Variants in PHF21A observed in about 807,000 individuals in gnomAD.
PHF21A encodes BHC80a.
PHF21A carries 11 observed loss-of-function variants against 82.5 expected under a neutral mutation model. The observed-to-expected ratio is 0.13, with a 90% confidence interval of 0.08 to 0.22. The LOEUF (loss-of-function observed/expected upper bound fraction) is 0.22. Among genes scored for constraint, PHF21A ranks in the 10% least tolerant of loss-of-function variants. The pLI is 1.00. For missense variants in PHF21A, 579 were observed against 837.8 expected, an observed-to-expected ratio of 0.69 and a Z score of 3.81; for synonymous variants, 297 against 302.8, an observed-to-expected ratio of 0.98 and a Z score of 0.20.
intron 10 of PHF21A, among the ~76,000 whole-genome samples, chr11:45,964,236 T>TAA (rs2093301828): frequency 1.3e-5 from 2 of 148,554 alleles, no homozygotes; most frequent in Admixed American, 6.7e-5. Flanking sequence ...ATAATAATAA[T>TAA]TTATTTCTGA....
intron 6 of PHF21A, among the ~76,000 whole-genome samples, chr11:46,032,881 T>C (rs1018359245): frequency 1.3e-5 from 2 of 152,238 alleles, no homozygotes; most frequent in Non-Finnish European, 2.9e-5. Flanking sequence ...AGTACATGTG[T>C]GAATGTACAT....
Position 46,101,859 on chromosome 11 carries a change from C to CT in PHF21A, c.-236-9637dup, listed in dbSNP as rs749509550. ...CCATGTTGCCCGTGCTGGTCTCCCT[C>CT]TTTTTTTTTTTTTTTTTAAATACGG... On this transcript the variant is annotated intron_variant, in intron 1 of 18. Coordinates refer to ENST00000676320, the MANE Select transcript of PHF21A (RefSeq NM_001352027.3). Among the ~76,000 whole-genome samples, 260 of 141,040 alleles carry CT rather than the reference C, an allele frequency of 1.8e-3. 1 individual carries two copies. The highest frequency in any genetic ancestry group is 2.8e-3 in the Admixed American group (39 of 14,104). The allele number at this position is 141,040 out of a possible 152,430, so 92.5% of individuals were successfully genotyped here.
At chr11:45,936,735 C>A in intron 16 of PHF21A, 166 bp from the exon 17 acceptor site, 1 of 594,802 alleles carries the variant, frequency 1.7e-6, no homozygotes, top group Middle Eastern at 3.3e-4. Flanking sequence ...TAAAAAGTTC[C>A]AAATATCAGC....
chr11:46,066,370 C>A (rs2096594520), intron 6 of PHF21A, among the ~76,000 whole-genome samples: 1 of 151,840 alleles, frequency 6.6e-6, no homozygotes, highest in Non-Finnish European at 1.5e-5. Context: ...TATGGTATAC[C>A]TCAACAGTTT....
At chr11:46,008,397 T>G (rs1282611622) in intron 6 of PHF21A, among the ~76,000 whole-genome samples, 1 of 152,180 alleles carries the variant, frequency 6.6e-6, no homozygotes, top group African/African-American at 2.4e-5. Context: ...TGAGCTAAAC[T>G]TAATCAAAAT....
intron 6 of PHF21A, among the ~76,000 whole-genome samples, chr11:46,071,410 C>T (rs2096655058): frequency 1.3e-5 from 2 of 152,150 alleles, no homozygotes; most frequent in Admixed American, 1.3e-4. Flanking sequence ...TTAGGAGAAC[C>T]CCAGATGACC....
At chr11:45,982,952 C>A (rs1203946356) in intron 6 of PHF21A, among the ~76,000 whole-genome samples, 1 of 152,150 alleles carries the variant, frequency 6.6e-6, no homozygotes, top group African/African-American at 2.4e-5. Flanking sequence ...TCCTCTACAG[C>A]CATCCTTAGG....
intron 6 of PHF21A, among the ~76,000 whole-genome samples, chr11:45,986,048 T>A (rs2094478420): frequency 7.4e-6 from 1 of 135,278 alleles, no homozygotes; most frequent in Non-Finnish European, 1.6e-5. Flanking sequence ...ACTTTTTTAA[T>A]TAAAAAATAT....
chr11:46,095,304 T>G (rs1296853051), intron 1 of PHF21A, among the ~76,000 whole-genome samples: 1 of 152,232 alleles, frequency 6.6e-6, no homozygotes, highest in African/African-American at 2.4e-5. Flanking sequence ...TATTTAAGTC[T>G]GAAATGCAAG....
chr11:46,016,053 T>C (rs574382447), intron 6 of PHF21A, among the ~76,000 whole-genome samples: 41 of 152,340 alleles, frequency 2.7e-4, no homozygotes, highest in African/African-American at 9.4e-4. Flanking sequence ...TAGTTTTATA[T>C]GACTGGCAGC....
intron 6 of PHF21A, among the ~76,000 whole-genome samples, chr11:46,068,013 G>T (rs1443162985): frequency 2.0e-5 from 3 of 152,132 alleles, no homozygotes; most frequent in Admixed American, 2.0e-4. Flanking sequence ...AGGTAAAAAG[G>T]TAAGAAAATT....
chr11:46,024,352 T>C (rs113287708), intron 6 of PHF21A, among the ~76,000 whole-genome samples: 2 of 152,234 alleles, frequency 1.3e-5, no homozygotes, highest in African/African-American at 4.8e-5. Context: ...CTTTCTCCCA[T>C]GAAAGTGCTT....
In PHF21A at chr11:45,943,910, G is replaced by GA. The variant is rs2090848978; in HGVS notation, c.1452+1929dup. Among the ~76,000 whole-genome samples, 4 of 151,822 alleles carry GA rather than the reference G, an allele frequency of 2.6e-5. No individual in the cohort carries two copies. In the South Asian group the frequency reaches 6.2e-4, roughly 24 times the overall value. Reference sequence around the variant, plus strand: ...ATGCATACCCTGAATCTACTGCTGAGAAAAAAAATCAGACAATCCAAACGG... The same window carrying GA: ...ATGCATACCCTGAATCTACTGCTGAGAAAAAAAAATCAGACAATCCAAACGG... On this transcript the variant is annotated intron_variant, in intron 15 of 18. Transcript: ENST00000676320.
intron 6 of PHF21A, among the ~76,000 whole-genome samples, chr11:46,043,026 T>C (rs910429482): frequency 6.6e-6 from 1 of 152,194 alleles, no homozygotes; most frequent in Non-Finnish European, 1.5e-5. Context: ...CTATTATTAC[T>C]CTAACTCTCC....
chr11:46,105,233 T>C (rs536901620), intron 1 of PHF21A, among the ~76,000 whole-genome samples: 2 of 152,348 alleles, frequency 1.3e-5, no homozygotes, highest in Non-Finnish European at 2.9e-5. Context: ...TGTGTTCTAC[T>C]GACACGCTAT....
At chr11:45,981,521 G>A (rs1386868394) in intron 6 of PHF21A, among the ~76,000 whole-genome samples, 1 of 151,970 alleles carries the variant, frequency 6.6e-6, no homozygotes, top group Admixed American at 6.6e-5. Flanking sequence ...AACTATTTGG[G>A]GCCATATTTG....
intron 1 of PHF21A, among the ~76,000 whole-genome samples, chr11:46,103,269 G>T (rs10838563): frequency 0.9 from 137,325 of 152,240 alleles, 62,097 homozygotes; most frequent in East Asian, 1. Context: ...TTCAACCAAC[G>T]GAAACAACTT....
intron 12 of PHF21A, among the ~76,000 whole-genome samples, chr11:45,949,939 A>C (rs2091881655): frequency 6.6e-6 from 1 of 152,238 alleles, no homozygotes; most frequent in Non-Finnish European, 1.5e-5. Flanking sequence ...TGTGCTGTTC[A>C]GAAAAAGAAG....
intron 6 of PHF21A, among the ~76,000 whole-genome samples, chr11:46,053,854 C>T (rs2096408278): frequency 6.6e-6 from 1 of 152,106 alleles, no homozygotes; most frequent in South Asian, 2.1e-4. Flanking sequence ...GAAAAAGGCA[C>T]CTCAAAAGTT....
Sources: gnomAD v4.1 joint callset for allele counts (sites outside exome capture counted in the v4.1 genomes callset) on GRCh38, gnomAD v4.1.1 for gene constraint, MANE v1.5 for transcripts, NCBI Gene and HGNC (gene_info 2026-07-23, HGNC 2026-07-21) for gene names.